Variants in DIAPH2 observed in about 807,000 individuals in gnomAD.
The protein encoded by DIAPH2 is protein diaphanous homolog 2.
In DIAPH2, 35 loss-of-function variants were observed where a neutral mutation model predicts 92.7. The ratio of observed to expected loss-of-function variants is 0.38; its 90% confidence interval spans 0.29 to 0.50. The LOEUF is 0.50. Among genes scored for constraint, DIAPH2 ranks in the 20% least tolerant of loss-of-function variants. DIAPH2 has a pLI of 0.94. For missense variants in DIAPH2, 701 were observed against 819.5 expected (o/e 0.86, Z 1.77); for synonymous variants, 301 against 280.4 (o/e 1.07, Z -0.73).
At chrX:97,269,361 A>G (rs2068366383) in intron 23 of DIAPH2, among the ~76,000 whole-genome samples, 1 of 112,380 alleles carries the variant, frequency 8.9e-6, no homozygotes, top group Non-Finnish European at 1.9e-5. Context: ...AATGGGAACT[A>G]AGTGAAAAAT....
intron 19 of DIAPH2, among the ~76,000 whole-genome samples, chrX:97,076,324 G>T (rs943453934): frequency 9.0e-6 from 1 of 111,663 alleles, no homozygotes; most frequent in African/African-American, 3.3e-5. Flanking sequence ...GAGGTCAGGA[G>T]ATCGAGGCCA....
At chrX:97,192,816 C>G (rs971006431) in intron 22 of DIAPH2, among the ~76,000 whole-genome samples, 1 of 109,533 alleles carries the variant, frequency 9.1e-6, no homozygotes, top group Non-Finnish European at 1.9e-5. Context: ...CTAGTTTGAT[C>G]TCCTTATTTC....
intron 1 of DIAPH2, among the ~76,000 whole-genome samples, chrX:96,728,503 G>A (rs763926200): frequency 1.8e-4 from 20 of 111,953 alleles, no homozygotes; most frequent in African/African-American, 6.2e-4. Flanking sequence ...GAGCCACCAA[G>A]CCCAGCCTAT....
chrX:97,507,779 A>T (rs2070847844), intron 26 of DIAPH2, among the ~76,000 whole-genome samples: 1 of 111,678 alleles, frequency 9.0e-6, no homozygotes, highest in African/African-American at 3.3e-5. Flanking sequence ...CTTTTCATAA[A>T]GTCAGGCTAT....
chrX:96,781,601 T>G (rs2147625925), intron 4 of DIAPH2, among the ~76,000 whole-genome samples: 1 of 111,465 alleles, frequency 9.0e-6, no homozygotes, highest in African/African-American at 3.2e-5. Flanking sequence ...CTCTTAGGTC[T>G]AAAATAATTT....
At chrX:97,073,622 T>C (rs2066684393) in intron 18 of DIAPH2, among the ~76,000 whole-genome samples, 1 of 112,109 alleles carries the variant, frequency 8.9e-6, no homozygotes. Context: ...CTTCCCTCTG[T>C]CTTGAAATCA....
At chrX:96,785,953 C>G (rs1177230638) in intron 4 of DIAPH2, among the ~76,000 whole-genome samples, 1 of 111,546 alleles carries the variant, frequency 9.0e-6, no homozygotes, top group African/African-American at 3.3e-5. Flanking sequence ...GGAGCCACAA[C>G]CCAAACCTTA....
chrX:97,434,554 A>C, intron 26 of DIAPH2, among the ~76,000 whole-genome samples: 1 of 103,538 alleles, frequency 9.7e-6, no homozygotes, highest in Non-Finnish European at 2.0e-5. Context: ...GATTACAGGC[A>C]CACGCCACCG....
intron 4 of DIAPH2, among the ~76,000 whole-genome samples, chrX:96,873,424 G>C (rs1427291579): frequency 9.0e-6 from 1 of 110,529 alleles, no homozygotes; most frequent in Non-Finnish European, 1.9e-5. Context: ...TTTTGAACTT[G>C]ATGTGATTCC....
At chrX:96,775,158 A>G (rs2064367601) in intron 4 of DIAPH2, among the ~76,000 whole-genome samples, 1 of 110,937 alleles carries the variant, frequency 9.0e-6, no homozygotes, top group Admixed American at 9.6e-5. Flanking sequence ...CACCCATGCA[A>G]TCTCTCTTAG....
intron 23 of DIAPH2, among the ~76,000 whole-genome samples, chrX:97,305,824 C>CAAAAAAA (rs754094514): frequency 5.1e-4 from 25 of 49,198 alleles, no homozygotes; most frequent in African/African-American, 1.7e-3. Flanking sequence ...ACTCCTTCTC[C>CAAAAAAA]AAAAAAAAAA....
intron 17 of DIAPH2, among the ~76,000 whole-genome samples, chrX:97,061,825 A>AAC (rs1168841654): frequency 2.8e-5 from 3 of 108,286 alleles, no homozygotes; most frequent in African/African-American, 1.0e-4. Context: ...AAAAAAAAAA[A>AAC]AAAAAAAAAA....
chrX:97,328,391 C>T (rs1379457248), intron 23 of DIAPH2, among the ~76,000 whole-genome samples: 1 of 111,460 alleles, frequency 9.0e-6, no homozygotes, highest in African/African-American at 3.3e-5. Flanking sequence ...GCTGAGATTG[C>T]ACTACTACAC....
At chrX:96,770,487 T>C (rs2064331839) in intron 4 of DIAPH2, among the ~76,000 whole-genome samples, 1 of 112,099 alleles carries the variant, frequency 8.9e-6, no homozygotes, top group Non-Finnish European at 1.9e-5. Flanking sequence ...TTTCCTTTTT[T>C]CTCCTTTTTA....
At chrX:96,843,420 G>A (rs953222734) in intron 4 of DIAPH2, among the ~76,000 whole-genome samples, 9 of 111,794 alleles carry the variant, frequency 8.1e-5, no homozygotes, top group Non-Finnish European at 1.5e-4. Context: ...TGAAATTTCA[G>A]TTAGTAAGAC....
chrX:97,272,146 G>C (rs1393321832), intron 23 of DIAPH2, among the ~76,000 whole-genome samples: 3 of 110,332 alleles, frequency 2.7e-5, no homozygotes, highest in Non-Finnish European at 5.7e-5. Flanking sequence ...CTACAGGCAT[G>C]CACCACCACG....
intron 22 of DIAPH2, among the ~76,000 whole-genome samples, chrX:97,237,583 A>AT (rs200891851): frequency 0.15 from 15,984 of 103,904 alleles, 1,082 homozygotes; most frequent in Admixed American, 0.21. Flanking sequence ...TCTTTTTTCT[A>AT]TTTTTTTTTT....
At chrX:97,170,434 A>G (rs1385683288) in intron 22 of DIAPH2, among the ~76,000 whole-genome samples, 1 of 112,140 alleles carries the variant, frequency 8.9e-6, no homozygotes, top group Non-Finnish European at 1.9e-5. Flanking sequence ...TTTTGTAAAG[A>G]GAGTGATGAA....
At chrX:97,536,033 T>C (rs1295395047) in intron 26 of DIAPH2, among the ~76,000 whole-genome samples, 1 of 112,049 alleles carries the variant, frequency 8.9e-6, no homozygotes, top group African/African-American at 3.2e-5. Flanking sequence ...AATTGCTTTA[T>C]ACTTCATAGG....
Sources: gnomAD v4.1 joint callset for allele counts (sites outside exome capture counted in the v4.1 genomes callset) on GRCh38, gnomAD v4.1.1 for gene constraint, MANE v1.5 for transcripts, NCBI Gene and HGNC (gene_info 2026-07-23, HGNC 2026-07-21) for gene names.